LHFPL6: variants seen among roughly 807,000 people sequenced by gnomAD.
LHFPL6 encodes LHFPL tetraspan subfamily member 6.
LHFPL6 carries 9 observed loss-of-function variants against 20.6 expected under a neutral mutation model. That is an observed-to-expected ratio of 0.44 (90% CI 0.26 to 0.76). LHFPL6 has a LOEUF of 0.76. LHFPL6 is among the 30% of genes least tolerant of loss of function. The probability of loss-of-function intolerance (pLI) is 0.20; values close to 1 mark genes in which losing one functional copy is unlikely to be tolerated. For missense variants in LHFPL6, 218 were observed against 253.5 expected (o/e 0.86, Z 0.95); for synonymous variants, 105 against 98.7 (o/e 1.06, Z -0.38).
intron 2 of LHFPL6, among the ~76,000 whole-genome samples, chr13:39,595,891 A>G (rs1167899966): frequency 2.0e-5 from 3 of 152,152 alleles, no homozygotes; most frequent in Non-Finnish European, 4.4e-5. Flanking sequence ...TAATCATTCT[A>G]TGTTTCCAAG....
At chr13:39,591,205 A>T (rs1872581502) in intron 2 of LHFPL6, among the ~76,000 whole-genome samples, 1 of 152,220 alleles carries the variant, frequency 6.6e-6, no homozygotes. Flanking sequence ...AAATTTGGCA[A>T]AAAAGAAACT....
chr13:39,542,649 A>C (rs1398547552), intron 2 of LHFPL6, among the ~76,000 whole-genome samples: 1 of 152,176 alleles, frequency 6.6e-6, no homozygotes, highest in Non-Finnish European at 1.5e-5. Context: ...CCATTGTGGG[A>C]ATCCACCCTG....
intron 2 of LHFPL6, among the ~76,000 whole-genome samples, chr13:39,562,968 G>GA (rs532830577): frequency 1.9e-4 from 28 of 151,338 alleles, no homozygotes; most frequent in Non-Finnish European, 3.5e-4. Flanking sequence ...GGTATTCAAA[G>GA]AAAAAAAATA....
intron 2 of LHFPL6, among the ~76,000 whole-genome samples, chr13:39,552,258 A>T (rs1382777852): frequency 6.6e-6 from 1 of 152,204 alleles, no homozygotes; most frequent in Non-Finnish European, 1.5e-5. Context: ...TAACAGAGGC[A>T]GGGGTCAGCA....
Position 39,449,798 on chromosome 13 carries a change from G to A in LHFPL6, c.386-71272C>T, listed in dbSNP as rs150892370. Among the ~76,000 whole-genome samples, 143 of 149,656 alleles carry A rather than the reference G, an allele frequency of 9.6e-4. 1 individual carries two copies. The highest frequency in any genetic ancestry group is 3.1e-3 in the African/African-American group (127 of 40,586). ...GACTCAGTTGCCAAGTCCATCCAAG[G>A]TCAATGGTTAAGAGTTCAATGATTC... On this transcript the variant is annotated intron_variant, in intron 2 of 3. Transcript: ENST00000379589.
intron 2 of LHFPL6, among the ~76,000 whole-genome samples, chr13:39,533,099 T>C (rs1439986380): frequency 1.3e-5 from 2 of 152,226 alleles, no homozygotes; most frequent in Non-Finnish European, 2.9e-5. Context: ...GAGAATACAT[T>C]GCAACCTTGG....
At chr13:39,561,280 T>A (rs9594342) in intron 2 of LHFPL6, among the ~76,000 whole-genome samples, 1 of 151,542 alleles carries the variant, frequency 6.6e-6, no homozygotes, top group Admixed American at 6.6e-5. Context: ...CTAAACCCTT[T>A]CTATCCAAGC....
In LHFPL6 at chr13:39,348,187, C is replaced by T. The variant is rs145279585; in HGVS notation, c.485-4133G>A. On this transcript the variant is annotated intron_variant, in intron 3 of 3. Transcript: ENST00000379589. ...GGTCTCGTAAGTGGCAGGGGAGCTA[C>T]AGCCGATGCTGTAGATTCTCCAGCC... 1.4e-3 allele frequency among the ~76,000 whole-genome samples: 208 copies of T among 152,308 alleles called. 2 individuals are homozygous for T. In the East Asian group the frequency reaches 0.022, roughly 16 times the overall value.
At chr13:39,416,435 T>A (rs749208853) in intron 2 of LHFPL6, among the ~76,000 whole-genome samples, 12 of 152,032 alleles carry the variant, frequency 7.9e-5, no homozygotes, top group Non-Finnish European at 1.2e-4. Flanking sequence ...ATTTACTCTA[T>A]GTTTTCCCCA....
chr13:39,429,179 CCTTA>C (rs1871723391), intron 2 of LHFPL6, among the ~76,000 whole-genome samples: 1 of 148,770 alleles, frequency 6.7e-6, no homozygotes, highest in East Asian at 1.9e-4. Context: ...TCGTGCATAT[CCTTA>C]CTGTTTTTTT....
chr13:39,556,884 C>T (rs1040493729), intron 2 of LHFPL6, among the ~76,000 whole-genome samples: 4 of 149,244 alleles, frequency 2.7e-5, no homozygotes, highest in African/African-American at 5.0e-5. Context: ...ATCTCTTGAG[C>T]CCAGAAGATT....
Position 39,369,073 on chromosome 13 carries a change from C to CT in LHFPL6, c.484+9354dup, listed in dbSNP as rs557427745. Among the ~76,000 whole-genome samples the CT allele has an allele frequency of 6.3e-3, 856 of 136,314 alleles. 7 individuals are homozygous for CT. Among genetic ancestry groups the CT allele is most frequent in the African/African-American group, 0.017 (612 of 36,828 alleles). The allele number at this position is 136,314 out of a possible 152,430, so 89.4% of individuals were successfully genotyped here. A position where few individuals can be genotyped will look rare whatever the true frequency, so the allele number is the denominator to read the frequency against. On this transcript the variant is annotated intron_variant, in intron 3 of 3. Transcript: ENST00000379589. ...TCTGAAAAGGCAAACTCAGGTACGT[C>CT]TTTTTTTTTTTAAACTAATAAAAGG...
intron 2 of LHFPL6, among the ~76,000 whole-genome samples, chr13:39,496,993 C>A (rs536670116): frequency 6.6e-6 from 1 of 152,148 alleles, no homozygotes; most frequent in African/African-American, 2.4e-5. Context: ...AATGCAGAAG[C>A]TTATCCCAGA....
intron 2 of LHFPL6, among the ~76,000 whole-genome samples, chr13:39,589,247 C>T (rs1208206543): frequency 6.6e-6 from 1 of 152,110 alleles, no homozygotes; most frequent in African/African-American, 2.4e-5. Context: ...GCCGAGATTA[C>T]AGGCGCATGC....
chr13:39,480,759 A>G (rs563832500), intron 2 of LHFPL6, among the ~76,000 whole-genome samples: 28 of 152,310 alleles, frequency 1.8e-4, no homozygotes, highest in South Asian at 6.2e-4. Context: ...CATGGCACAG[A>G]CACAACAGTG....
chr13:39,381,981 C>T (rs142667876), intron 2 of LHFPL6, among the ~76,000 whole-genome samples: 29 of 152,266 alleles, frequency 1.9e-4, no homozygotes, highest in Non-Finnish European at 3.8e-4. Context: ...CTGGGATTGG[C>T]TGAGATTGCA....
chr13:39,546,144 T>A (rs1339461750), intron 2 of LHFPL6, among the ~76,000 whole-genome samples: 1 of 152,082 alleles, frequency 6.6e-6, no homozygotes, highest in Non-Finnish European at 1.5e-5. Flanking sequence ...AAGCCCCCAA[T>A]AAATAATAGC....
intron 2 of LHFPL6, among the ~76,000 whole-genome samples, chr13:39,531,593 G>A (rs1239024010): frequency 6.6e-6 from 1 of 152,106 alleles, no homozygotes; most frequent in Non-Finnish European, 1.5e-5. Flanking sequence ...TCCAATGGTT[G>A]AGCATTAGGT....
At chr13:39,420,503 A>G (rs1471685442) in intron 2 of LHFPL6, among the ~76,000 whole-genome samples, 3 of 152,208 alleles carry the variant, frequency 2.0e-5, no homozygotes, top group African/African-American at 7.2e-5. Context: ...TCAAAATGAC[A>G]AGATTTTTAA....
Sources: gnomAD v4.1 joint callset for allele counts (sites outside exome capture counted in the v4.1 genomes callset) on GRCh38, gnomAD v4.1.1 for gene constraint, MANE v1.5 for transcripts, NCBI Gene and HGNC (gene_info 2026-07-23, HGNC 2026-07-21) for gene names.